CCDC15: variants seen among roughly 807,000 people sequenced by gnomAD.
The protein encoded by CCDC15 is coiled-coil domain containing 15.
CCDC15 carries 105 observed loss-of-function variants against 114.5 expected under a neutral mutation model. That is an observed-to-expected ratio of 0.92 (90% CI 0.78 to 1.08). CCDC15 has a LOEUF of 1.08. Among genes scored for constraint, CCDC15 ranks in the 50% least tolerant of loss-of-function variants. CCDC15 has a pLI of 0.00. For missense variants in CCDC15, 1,105 were observed against 1,093.6 expected (o/e 1.01, Z -0.15); for synonymous variants, 334 against 377.8 (o/e 0.88, Z 1.34).
intron 11 of CCDC15, among the ~76,000 whole-genome samples, chr11:125,000,063 A>C (rs978424740): frequency 6.6e-6 from 1 of 151,494 alleles, no homozygotes; most frequent in Non-Finnish European, 1.5e-5. Context: ...GGGTTTCACC[A>C]TGTTGGCCAG....
chr11:125,025,952 G>T (rs1344763299), intron 13 of CCDC15, among the ~76,000 whole-genome samples: 1 of 151,608 alleles, frequency 6.6e-6, no homozygotes, highest in Non-Finnish European at 1.5e-5. Context: ...ACTGATTTTT[G>T]TTTTAATATT....
chr11:125,000,449 A>G (rs1249294535), intron 11 of CCDC15, among the ~76,000 whole-genome samples: 2 of 152,056 alleles, frequency 1.3e-5, no homozygotes. Flanking sequence ...ACTTCTCTCT[A>G]GGTTACCCCC....
intron 13 of CCDC15, among the ~76,000 whole-genome samples, chr11:125,035,659 CT>C (rs1166352728): frequency 6.6e-6 from 1 of 151,962 alleles, no homozygotes; most frequent in African/African-American, 2.4e-5. Context: ...CTTTCTTCTT[CT>C]TTCCTGTCTT....
In CCDC15 at chr11:124,986,700, T is replaced by TGTGTGTGCGCGC. The variant is rs878887902; in HGVS notation, c.754-41_754-40insTGTGTGCGCGCG. On this transcript the variant is annotated intron_variant, in intron 6 of 15. Transcript: ENST00000344762. ...GTGTGTGTGTGTGTGTTTGTGTGTG[T>TGTGTGTGCGCGC]GCGCGCGCGCGCGTGCGCGTTTTCA... 3.3e-4 allele frequency: 440 copies of TGTGTGTGCGCGC among 1,352,878 alleles called. 4 individuals are homozygous for TGTGTGTGCGCGC. The African/African-American group carries it at 3.5e-3, about 11-fold the overall frequency. The allele number at this position is 1,352,878 out of a possible 1,614,324, so 83.8% of individuals were successfully genotyped here. A position where few individuals can be genotyped will look rare whatever the true frequency, so the allele number is the denominator to read the frequency against.
intron 6 of CCDC15, among the ~76,000 whole-genome samples, chr11:124,984,464 A>G (rs1948124364): frequency 6.6e-6 from 1 of 152,128 alleles, no homozygotes; most frequent in South Asian, 2.1e-4. Context: ...ATCGCCCTGC[A>G]CTGTTCACGT....
intron 13 of CCDC15, 190 bp from the exon 14 acceptor site, chr11:125,038,241 A>T: frequency 2.3e-6 from 1 of 436,262 alleles, no homozygotes; most frequent in South Asian, 4.2e-5. Flanking sequence ...TTTTAATAGT[A>T]GCCATTGCTC....
intron 13 of CCDC15, among the ~76,000 whole-genome samples, chr11:125,011,413 T>C (rs1948592700): frequency 6.6e-6 from 1 of 151,986 alleles, no homozygotes; most frequent in South Asian, 2.1e-4. Context: ...AATTTTTGTA[T>C]TTTTAGTAGA....
At chr11:124,992,809 C>T in intron 10 of CCDC15, 122 bp downstream of exon 10, 1 of 590,378 alleles carries the variant, frequency 1.7e-6, no homozygotes, top group Non-Finnish European at 3.0e-6. Context: ...AGAATTAAGG[C>T]CTCCAGAATT....
rs569168318 is a variant in CCDC15, at chr11:125,012,040, C to T, written c.2411+6828C>T. Reference sequence around the variant, plus strand: ...TAGGTACATGCCCTGTAAGTGGTCACCCCTTAATGTTCCATTGAGCCTAGA... The same window carrying T: ...TAGGTACATGCCCTGTAAGTGGTCATCCCTTAATGTTCCATTGAGCCTAGA... On this transcript the variant is annotated intron_variant, in intron 13 of 15. Coordinates refer to ENST00000344762, the MANE Select transcript of CCDC15 (RefSeq NM_025004.3). Among the ~76,000 whole-genome samples, 4 of 152,330 alleles carry T rather than the reference C, an allele frequency of 2.6e-5. No individual in the cohort carries two copies. In the South Asian group the frequency reaches 8.3e-4, roughly 32 times the overall value.
chr11:125,035,168 A>G (rs1027884231), intron 13 of CCDC15, among the ~76,000 whole-genome samples: 3 of 152,138 alleles, frequency 2.0e-5, no homozygotes, highest in African/African-American at 4.8e-5. Context: ...CCACGCTGGC[A>G]GTTGATAAGA....
In CCDC15 at chr11:125,040,799, A is replaced by G; in HGVS notation, c.*88A>G. ...TTTAAGAAAAGCTGTTCAAGTTATA[A>G]AATATATAATCTGGGAAGAAATACT... On this transcript the variant is annotated 3_prime_UTR_variant, in exon 16 of 16. Transcript: ENST00000344762. 8.8e-7 allele frequency: 1 copy of G among 1,135,390 alleles called. No homozygotes were observed. The highest frequency in any genetic ancestry group is 1.3e-6 in the Non-Finnish European group (1 of 798,562). The allele number at this position is 1,135,390 out of a possible 1,614,324, so 70.3% of individuals were successfully genotyped here.
At chr11:124,965,398 A>G (rs1440743657) in intron 4 of CCDC15, among the ~76,000 whole-genome samples, 1 of 152,024 alleles carries the variant, frequency 6.6e-6, no homozygotes, top group Non-Finnish European at 1.5e-5. Flanking sequence ...GAATTTATCC[A>G]TTTCTTCTAG....
At chr11:124,964,733 A>C (rs1216348735) in intron 4 of CCDC15, among the ~76,000 whole-genome samples, 1 of 152,184 alleles carries the variant, frequency 6.6e-6, no homozygotes, top group Non-Finnish European at 1.5e-5. Context: ...TTCAAAGGGA[A>C]TGCTTCCAGT....
intron 11 of CCDC15, among the ~76,000 whole-genome samples, chr11:125,002,404 A>G (rs1377744304): frequency 6.6e-6 from 1 of 152,170 alleles, no homozygotes; most frequent in Non-Finnish European, 1.5e-5. Context: ...TAATTTTGAT[A>G]AAATCCGATT....
intron 4 of CCDC15, among the ~76,000 whole-genome samples, chr11:124,965,006 G>A (rs1947747235): frequency 1.3e-5 from 2 of 152,070 alleles, no homozygotes; most frequent in African/African-American, 4.8e-5. Context: ...TGATCTTGGT[G>A]GATAAGCTTT....
At chr11:125,023,110 A>G (rs1948673465) in intron 13 of CCDC15, among the ~76,000 whole-genome samples, 1 of 151,888 alleles carries the variant, frequency 6.6e-6, no homozygotes, top group African/African-American at 2.4e-5. Context: ...GGTCACAAAG[A>G]TTTTCTTCTA....
chr11:125,029,654 T>C (rs1326134805), intron 13 of CCDC15, among the ~76,000 whole-genome samples: 4 of 152,252 alleles, frequency 2.6e-5, no homozygotes, highest in East Asian at 1.9e-4. Flanking sequence ...GCTGGTATGA[T>C]GACCACATTC....
Position 125,006,575 on chromosome 11 carries a change from T to TA in CCDC15, c.2411+1371dup, listed in dbSNP as rs1042437173. ...TGGATTGTGCCTTTGGTGTTATATA[T>TA]AAAAAAAAGTCACTGCCATACCCAA... On this transcript the variant is annotated intron_variant, in intron 13 of 15. Coordinates refer to ENST00000344762, the MANE Select transcript of CCDC15 (RefSeq NM_025004.3). 2.6e-5 allele frequency among the ~76,000 whole-genome samples: 4 copies of TA among 152,168 alleles called. No homozygotes were observed. The South Asian group carries it at 6.2e-4, about 24-fold the overall frequency.
At position 124,954,379 on chromosome 11, in the gene CCDC15, C is replaced by T. The variant is rs1947511206; in HGVS notation, c.-10+9C>T. 2 of 196,860 alleles carry T rather than the reference C, an allele frequency of 1.0e-5. No individual in the cohort carries two copies. The highest frequency in any genetic ancestry group is 1.3e-4 in the East Asian group (1 of 7,476). 12.2% of individuals were successfully genotyped at this position (196,860 alleles called of 1,614,324 possible). A position where few individuals can be genotyped will look rare whatever the true frequency, so the allele number is the denominator to read the frequency against. ...CTCGGCTGCAGACACAGGTCCCCGC[C>T]CCTCCCTCTTTCTCCGGGTTGCAGC... On this transcript the variant is annotated intron_variant, in intron 1 of 15. Transcript: ENST00000344762.
Sources: allele counts gnomAD v4.1 joint callset (sites outside exome capture counted in the v4.1 genomes callset), GRCh38; gene constraint gnomAD v4.1.1; transcripts MANE v1.5; gene names NCBI Gene and HGNC (gene_info 2026-07-23, HGNC 2026-07-21).